The following SYNPR variants were observed in gnomAD, a reference collection of about 807,000 sequenced individuals.
SYNPR encodes the protein synaptoporin.
SYNPR carries 23 observed loss-of-function variants against 32.9 expected under a neutral mutation model. The ratio of observed to expected loss-of-function variants is 0.70; its 90% CI spans 0.50 to 0.99. The LOEUF (loss-of-function observed/expected upper bound fraction) is 0.99, where lower values mean the gene tolerates loss of function less well. SYNPR is among the 50% of genes least tolerant of loss of function. The pLI, the probability that SYNPR is intolerant of heterozygous loss-of-function variation, is 0.00. For synonymous variants in SYNPR, 146 were observed against 135.9 expected (o/e 1.07, Z -0.52); for missense variants, 318 against 349.3 (o/e 0.91, Z 0.71).
At chr3:63,471,101 T>A (rs112373042) in intron 2 of SYNPR, among the ~76,000 whole-genome samples, 2,699 of 152,280 alleles carry the variant, frequency 0.018, 77 homozygotes, top group African/African-American at 0.06. Flanking sequence ...ATCAATTCTG[T>A]AAGGCTGCTT....
chr3:63,410,477 T>C (rs902043780), intron 2 of SYNPR, among the ~76,000 whole-genome samples: 1 of 152,168 alleles, frequency 6.6e-6, no homozygotes, highest in African/African-American at 2.4e-5. Flanking sequence ...TCAGGTGTAA[T>C]GGGTAAAGCA....
chr3:63,297,529 G>A (rs1295100019), intron 2 of SYNPR, among the ~76,000 whole-genome samples: 2 of 152,110 alleles, frequency 1.3e-5, no homozygotes, highest in African/African-American at 4.8e-5. Flanking sequence ...TTTTATTTGG[G>A]AAGCAGACTA....
At chr3:63,558,155 G>A (rs1448704379) in intron 4 of SYNPR, among the ~76,000 whole-genome samples, 1 of 152,078 alleles carries the variant, frequency 6.6e-6, no homozygotes, top group Non-Finnish European at 1.5e-5. Flanking sequence ...CACAGCACAA[G>A]GCCCTCACCA....
chr3:63,610,862 A>G (rs904051810), intron 5 of SYNPR, among the ~76,000 whole-genome samples: 1 of 152,218 alleles, frequency 6.6e-6, no homozygotes, highest in Admixed American at 6.5e-5. Context: ...AGACTAAAAG[A>G]TGGAAATTAT....
At chr3:63,264,377 C>A (rs931873483) in intron 2 of SYNPR, among the ~76,000 whole-genome samples, 2 of 149,856 alleles carry the variant, frequency 1.3e-5, no homozygotes, top group African/African-American at 4.9e-5. Context: ...ACCTGAAAGG[C>A]ACTCTTACAA....
At chr3:63,586,307 G>A (rs1210016232) in intron 4 of SYNPR, among the ~76,000 whole-genome samples, 1 of 151,750 alleles carries the variant, frequency 6.6e-6, no homozygotes, top group Non-Finnish European at 1.5e-5. Flanking sequence ...GTGGGAGCAA[G>A]TGTGAAATGT....
chr3:63,601,468 A>G (rs1700041030), intron 4 of SYNPR, among the ~76,000 whole-genome samples: 1 of 152,074 alleles, frequency 6.6e-6, no homozygotes, highest in African/African-American at 2.4e-5. Flanking sequence ...AGAACCCAAA[A>G]GGTAGTTTTT....
chr3:63,396,560 C>T (rs560621883), intron 2 of SYNPR, among the ~76,000 whole-genome samples: 15 of 152,248 alleles, frequency 9.9e-5, no homozygotes, highest in African/African-American at 3.1e-4. Context: ...CTTAACATGT[C>T]AAGAACACTC....
intron 4 of SYNPR, among the ~76,000 whole-genome samples, chr3:63,598,946 C>G (rs944533816): frequency 6.6e-6 from 1 of 152,202 alleles, no homozygotes; most frequent in Non-Finnish European, 1.5e-5. Flanking sequence ...CAGAAGAAAT[C>G]CACTTCTCAA....
chr3:63,260,859 T>C (rs985066563), intron 2 of SYNPR, among the ~76,000 whole-genome samples: 1 of 145,492 alleles, frequency 6.9e-6, no homozygotes, highest in East Asian at 2.0e-4. Context: ...TACAATGAAC[T>C]CAAACAAATT....
chr3:63,290,124 C>T (rs899073254), intron 2 of SYNPR, among the ~76,000 whole-genome samples: 5 of 79,436 alleles, frequency 6.3e-5, no homozygotes, highest in Non-Finnish European at 1.3e-4. Flanking sequence ...AGCAAGACTC[C>T]GTCTCAAAAA....
At chr3:63,358,092 T>C (rs1263315064) in intron 2 of SYNPR, among the ~76,000 whole-genome samples, 8 of 152,228 alleles carry the variant, frequency 5.3e-5, no homozygotes, top group Non-Finnish European at 1.2e-4. Context: ...TCCTTGAGAT[T>C]GGGCACTGGG....
chr3:63,261,597 A>G (rs1211585322), intron 2 of SYNPR, among the ~76,000 whole-genome samples: 1 of 143,674 alleles, frequency 7.0e-6, no homozygotes, highest in Non-Finnish European at 1.5e-5. Flanking sequence ...GGATAGCATT[A>G]GGAGATATAC....
At chr3:63,414,362 A>G (rs2088512033) in intron 2 of SYNPR, among the ~76,000 whole-genome samples, 1 of 152,184 alleles carries the variant, frequency 6.6e-6, no homozygotes, top group African/African-American at 2.4e-5. Context: ...TTGGAGTTTT[A>G]TTAGGTTGCA....
At chr3:63,356,684 C>T (rs1457341867) in intron 2 of SYNPR, among the ~76,000 whole-genome samples, 2 of 152,322 alleles carry the variant, frequency 1.3e-5, no homozygotes, top group South Asian at 2.1e-4. Flanking sequence ...AATGGTCACA[C>T]TCACCTTTCC....
At chr3:63,206,506 A>G in the SYNPR span, among the ~76,000 whole-genome samples, 2 of 152,076 alleles carry the variant, frequency 1.3e-5, no homozygotes, top group African/African-American at 4.8e-5. Context: ...GGTTGCAGTG[A>G]GCTGAGATCA....
chr3:63,509,666 T>C (rs1299854203), intron 3 of SYNPR, among the ~76,000 whole-genome samples: 2 of 152,032 alleles, frequency 1.3e-5, no homozygotes. Context: ...GAAATGCTAA[T>C]AAAAACTAAT....
intron 2 of SYNPR, among the ~76,000 whole-genome samples, chr3:63,358,933 G>A (rs761801703): frequency 1.1e-4 from 17 of 152,086 alleles, no homozygotes; most frequent in Admixed American, 9.2e-4. Context: ...TTTAAAATCC[G>A]CCTCTTCCAC....
chr3:63,227,239 A>G (rs896845277), upstream of SYNPR, among the ~76,000 whole-genome samples: 1 of 152,230 alleles, frequency 6.6e-6, no homozygotes, highest in East Asian at 1.9e-4. Context: ...CGCTCCTTTG[A>G]GCAAGATGGC....
Sources: gnomAD v4.1 joint callset for allele counts (sites outside exome capture counted in the v4.1 genomes callset) on GRCh38, gnomAD v4.1.1 for gene constraint, MANE v1.5 for transcripts, NCBI Gene and HGNC (gene_info 2026-07-23, HGNC 2026-07-21) for gene names.